The following LMNB1 variants were observed in gnomAD, a reference collection of about 807,000 sequenced individuals.
LMNB1 encodes lamin-B1.
A neutral mutation model predicts 67.1 loss-of-function variants in LMNB1; 23 were observed. The ratio of observed to expected loss-of-function variants is 0.34; its 90% CI spans 0.25 to 0.49. LMNB1 has a LOEUF of 0.49. Ranked by LOEUF, LMNB1 falls within the 20% of genes least tolerant of loss-of-function variation. LMNB1 has a pLI of 0.99. For synonymous variants in LMNB1, 281 were observed against 282.9 expected (o/e 0.99, Z 0.07); for missense variants, 634 against 746.5 (o/e 0.85, Z 1.76).
intron 9 of LMNB1, among the ~76,000 whole-genome samples, chr5:126,828,946 G>T (rs949217163): frequency 1.3e-5 from 2 of 152,090 alleles, no homozygotes; most frequent in Non-Finnish European, 2.9e-5. Flanking sequence ...AATGAGGAGA[G>T]AAAGTATTAT....
At chr5:126,832,601 G>A (rs1192967418) in intron 9 of LMNB1, 93 bp from the exon 10 acceptor site, 2 of 881,998 alleles carry the variant, frequency 2.3e-6, no homozygotes, top group Admixed American at 2.0e-5. Flanking sequence ...CGCCTGGCAA[G>A]AAATGCTGTC....
intron 5 of LMNB1, among the ~76,000 whole-genome samples, chr5:126,818,270 G>T (rs913326336): frequency 2.2e-5 from 3 of 139,448 alleles, no homozygotes; most frequent in Admixed American, 7.7e-5. Flanking sequence ...ACAGAGTCTC[G>T]CTCTGTTGCC....
chr5:126,800,981 A>ATGT (rs1554113727), intron 1 of LMNB1, among the ~76,000 whole-genome samples: 3 of 28,056 alleles, frequency 1.1e-4, no homozygotes, highest in Admixed American at 5.6e-4. Context: ...ATATATATAT[A>ATGT]ATTTTTTTTT....
At chr5:126,793,686 C>T (rs1007273423) in intron 1 of LMNB1, among the ~76,000 whole-genome samples, 1 of 151,976 alleles carries the variant, frequency 6.6e-6, no homozygotes, top group African/African-American at 2.4e-5. Flanking sequence ...ACCAGCCTGG[C>T]CAACATGGTG....
intron 1 of LMNB1, among the ~76,000 whole-genome samples, chr5:126,778,284 CAA>C (rs955382067): frequency 6.6e-6 from 1 of 152,096 alleles, no homozygotes; most frequent in Non-Finnish European, 1.5e-5. Context: ...CGGCGCGAGA[CAA>C]AGCGTCTAGC....
intron 5 of LMNB1, chr5:126,815,289 G>T (rs967438816): frequency 1.3e-5 from 2 of 152,030 alleles, no homozygotes; most frequent in African/African-American, 4.8e-5. Context: ...AATTGACATG[G>T]CTTTAAAATA....
At chr5:126,821,190 C>T (rs1751860934) in intron 7 of LMNB1, 55 bp downstream of exon 7, 11 of 1,167,418 alleles carry the variant, frequency 9.4e-6, no homozygotes, top group Non-Finnish European at 1.3e-5. Flanking sequence ...GCTAGATTCT[C>T]TTGCAATTGT....
chr5:126,786,250 G>C (rs1391811042), intron 1 of LMNB1, among the ~76,000 whole-genome samples: 1 of 149,818 alleles, frequency 6.7e-6, no homozygotes, highest in Non-Finnish European at 1.5e-5. Flanking sequence ...AGCCTCCCAA[G>C]TAGCTGGGAC....
At chr5:126,804,698 T>C in intron 1 of LMNB1, 78 bp from the exon 2 acceptor site, 2 of 1,313,004 alleles carry the variant, frequency 1.5e-6, no homozygotes, top group Non-Finnish European at 2.1e-6. Context: ...TTCTTTTGTT[T>C]GTCCCTTCAG....
intron 1 of LMNB1, among the ~76,000 whole-genome samples, chr5:126,785,969 G>A (rs1225617132): frequency 3.3e-5 from 5 of 151,646 alleles, no homozygotes; most frequent in East Asian, 2.0e-4. Flanking sequence ...AGCCGAGATC[G>A]TGCCACTGCA....
At chr5:126,777,950 G>T (rs910100822) in intron 1 of LMNB1, 83 bp downstream of exon 1, 22 of 1,311,336 alleles carry the variant, frequency 1.7e-5, no homozygotes, top group Non-Finnish European at 2.1e-5. Context: ...GTTCTGCCGT[G>T]GGGAGGGAGC....
intron 10 of LMNB1, among the ~76,000 whole-genome samples, chr5:126,834,417 G>A (rs908545257): frequency 6.6e-6 from 1 of 152,118 alleles, no homozygotes; most frequent in African/African-American, 2.4e-5. Flanking sequence ...TGTTGGCCAC[G>A]ACAATCTCAA....
chr5:126,804,815 C>T lies in LMNB1; in HGVS notation c.399C>T (p.Ile133=). Residue 133 remains isoleucine (I), a synonymous_variant, in exon 2 of 11, where the codon ATC becomes ATT. Transcript: ENST00000261366. The part of the protein sequence containing the change: ...KKESDLNGAQ[I]KLREYEAALN... ...AATCTGATCTTAATGGCGCCCAGATCAAGCTTCGAGAATATGAAGCAGCAC... is the reference window on the plus strand; with the variant it reads ...AATCTGATCTTAATGGCGCCCAGATTAAGCTTCGAGAATATGAAGCAGCAC... The T allele has an allele frequency of 6.2e-7, 1 of 1,614,064 alleles. No individual in the cohort carries two copies. The highest frequency in any genetic ancestry group is 1.1e-5 in the South Asian group (1 of 91,072).
chr5:126,808,284 A>G (rs1364328006), intron 3 of LMNB1, among the ~76,000 whole-genome samples: 1 of 151,954 alleles, frequency 6.6e-6, no homozygotes, highest in Non-Finnish European at 1.5e-5. Flanking sequence ...CCTGGATTCA[A>G]ATGATTCTTG....
At chr5:126,792,822 C>T (rs374386306) in intron 1 of LMNB1, among the ~76,000 whole-genome samples, 15 of 151,710 alleles carry the variant, frequency 9.9e-5, no homozygotes, top group East Asian at 1.9e-4. Flanking sequence ...GTGATCCACC[C>T]GCCTCGGCCT....
rs1418790474 is a variant in LMNB1, at chr5:126,820,920, T to G, written c.1171T>G (p.Ser391Ala). The G allele has an allele frequency of 6.2e-7, 1 of 1,613,298 alleles. No individual in the cohort carries two copies. The highest frequency in any genetic ancestry group is 8.5e-7 in the Non-Finnish European group (1 of 1,179,344). Residue 391 changes from serine to alanine, a missense_variant, in exon 7 of 11, where the codon TCT becomes GCT. Physicochemically the swap from Ser to Ala is moderately conservative, Grantham distance 99. Transcript: ENST00000261366. ...ATTTTTCCCATATAGGTTGAAGCTG[T>G]CTCCAAGCCCTTCTTCCCGTGTGAC... ...LEGEEERLKL[S>A]PSPSSRVTVS...
At chr5:126,804,326 C>T (rs1751361490) in intron 1 of LMNB1, among the ~76,000 whole-genome samples, 1 of 147,686 alleles carries the variant, frequency 6.8e-6, no homozygotes, top group Non-Finnish European at 1.5e-5. Flanking sequence ...GATCCTCCCA[C>T]ATCAGCCTCT....
At chr5:126,807,911 G>T (rs1397397748) in intron 3 of LMNB1, among the ~76,000 whole-genome samples, 1 of 149,776 alleles carries the variant, frequency 6.7e-6, no homozygotes, top group East Asian at 2.0e-4. Flanking sequence ...CTGCTCTCTC[G>T]CCCAGGCTGG....
chr5:126,832,317 C>T (rs1752155060), intron 9 of LMNB1, among the ~76,000 whole-genome samples: 1 of 149,462 alleles, frequency 6.7e-6, no homozygotes, highest in Non-Finnish European at 1.5e-5. Context: ...AATGCTGTCT[C>T]TTTTTTTTTT....
Sources: allele counts gnomAD v4.1 joint callset (sites outside exome capture counted in the v4.1 genomes callset), GRCh38; gene constraint gnomAD v4.1.1; transcripts MANE v1.5; gene names NCBI Gene and HGNC (gene_info 2026-07-23, HGNC 2026-07-21).